The following ENTPD5 variants were observed in gnomAD, a reference collection of about 807,000 sequenced individuals.
ENTPD5 encodes nucleoside diphosphate phosphatase ENTPD5.
Under a neutral mutation model 60.2 loss-of-function variants are expected in ENTPD5, and 49 were observed. That is an observed-to-expected ratio of 0.81 (90% CI 0.65 to 1.03). The LOEUF (loss-of-function observed/expected upper bound fraction) is 1.03, where lower values mean the gene tolerates loss of function less well. ENTPD5 is among the 50% of genes least tolerant of loss of function. The pLI, the probability that ENTPD5 is intolerant of heterozygous loss-of-function variation, is 0.00. For synonymous variants in ENTPD5, 187 were observed against 185.4 expected, an observed-to-expected ratio of 1.01 and a Z score of -0.07; for missense variants, 480 against 507.6, an observed-to-expected ratio of 0.95 and a Z score of 0.52.
intron 3 of ENTPD5, among the ~76,000 whole-genome samples, chr14:74,002,951 T>C (rs1287077196): frequency 6.6e-6 from 1 of 152,220 alleles, no homozygotes; most frequent in East Asian, 1.9e-4. Flanking sequence ...GCTTATTCAC[T>C]CATGCCCCTG....
At position 73,986,562 on chromosome 14, in the gene ENTPD5, A is replaced by G. The variant is rs548468967; in HGVS notation, c.297+252T>C. ...ACTCAAAATTTTAAACAGTAAGTAC[A>G]TAGGGAGTAATCTCTTAAAAGCTAG... On this transcript the variant is annotated intron_variant, in intron 5 of 15. Coordinates refer to ENST00000334696, the MANE Select transcript of ENTPD5 (RefSeq NM_001249.5). The G allele has an allele frequency of 1.6e-4, 76 of 469,864 alleles. No homozygotes were observed. In the South Asian group the frequency reaches 2.0e-3, roughly 13 times the overall value. 29.1% of individuals were successfully genotyped at this position (469,864 alleles called of 1,614,324 possible). A position where few individuals can be genotyped will look rare whatever the true frequency, so the allele number is the denominator to read the frequency against.
At chr14:73,984,678 TTC>T (rs1016212457) in intron 5 of ENTPD5, among the ~76,000 whole-genome samples, 3 of 151,892 alleles carry the variant, frequency 2.0e-5, no homozygotes, top group Non-Finnish European at 4.4e-5. Context: ...CTCCTAATTT[TTC>T]TTTTTTAATT....
In ENTPD5 at chr14:73,966,908, C is replaced by A; in HGVS notation, c.*20G>T. 6.2e-7 allele frequency: 1 copy of A among 1,604,182 alleles called. No homozygotes were observed. Among genetic ancestry groups the A allele is most frequent in the South Asian group, 1.1e-5 (1 of 90,818 alleles). ...TAAAAAGGTGTTGGCAAATGCAGGT[C>A]TCCAAGGAAGTACGTGGCCTCAATG... On this transcript the variant is annotated 3_prime_UTR_variant, in exon 16 of 16. Transcript: ENST00000334696.
intron 14 of ENTPD5, among the ~76,000 whole-genome samples, chr14:73,971,330 G>T (rs2057216070): frequency 6.6e-6 from 1 of 151,844 alleles, no homozygotes; most frequent in African/African-American, 2.4e-5. Flanking sequence ...GCTAATTTTT[G>T]TATTTTTAGT....
intron 5 of ENTPD5, among the ~76,000 whole-genome samples, chr14:73,984,918 G>A (rs1566734270): frequency 6.6e-6 from 1 of 152,072 alleles, no homozygotes; most frequent in Non-Finnish European, 1.5e-5. Context: ...CCCACGACAG[G>A]CCCCGGTGTG....
At chr14:73,956,151 T>A, downstream of ENTPD5, 1 of 465,816 alleles carries the variant, frequency 2.1e-6, no homozygotes, top group Non-Finnish European at 4.0e-6. Context: ...GGTGAAACCC[T>A]GTCTCTACTA....
intron 3 of ENTPD5, among the ~76,000 whole-genome samples, chr14:73,989,721 T>A (rs2058056008): frequency 1.3e-5 from 2 of 150,154 alleles, no homozygotes; most frequent in Non-Finnish European, 2.9e-5. Flanking sequence ...TAATCCCAGC[T>A]ACTGGGGAGG....
intron 3 of ENTPD5, among the ~76,000 whole-genome samples, chr14:74,002,506 A>G (rs1305211831): frequency 1.3e-5 from 2 of 151,668 alleles, no homozygotes; most frequent in African/African-American, 4.9e-5. Flanking sequence ...GCCTCATGCA[A>G]TCCTCTAGCC....
chr14:73,997,301 G>A (rs1371427047), intron 3 of ENTPD5, among the ~76,000 whole-genome samples: 1 of 152,114 alleles, frequency 6.6e-6, no homozygotes, highest in South Asian at 2.1e-4. Flanking sequence ...TTCCCATAGT[G>A]AGATTGATTG....
At chr14:74,001,197 A>G (rs895654980) in intron 3 of ENTPD5, among the ~76,000 whole-genome samples, 3 of 151,982 alleles carry the variant, frequency 2.0e-5, no homozygotes, top group Non-Finnish European at 2.9e-5. Context: ...ATCTCTACAA[A>G]ATATTAAAAA....
intron 15 of ENTPD5, among the ~76,000 whole-genome samples, chr14:73,969,448 T>C (rs927730383): frequency 3.3e-5 from 5 of 152,058 alleles, no homozygotes; most frequent in Admixed American, 6.6e-5. Context: ...ATCCCAGCAC[T>C]TGGGAGTTCG....
At chr14:73,957,975 G>A (rs1374767513), downstream of ENTPD5, 2 of 649,356 alleles carry the variant, frequency 3.1e-6, no homozygotes, top group African/African-American at 3.6e-5. Context: ...AGTTATCTCT[G>A]TGGCTTCTGT....
chr14:74,000,451 C>A (rs1000030840), intron 3 of ENTPD5, among the ~76,000 whole-genome samples: 1 of 150,642 alleles, frequency 6.6e-6, no homozygotes, highest in African/African-American at 2.5e-5. Context: ...CAAGACTGAA[C>A]CCCGTCTCAA....
rs1315476768 is a variant in ENTPD5 at position 73,971,882 on chromosome 14, C to T, written c.1054G>A (p.Val352Ile). Reference sequence around the variant, plus strand: ...CTGGCTTTTCTTTCAAAATCTTCAACTTTTAAAATACCCCCCTTTTCATAA... The same window carrying T: ...CTGGCTTTTCTTTCAAAATCTTCAATTTTTAAAATACCCCCCTTTTCATAA... ...IDYEKGGILK[V>I]EDFERKAREV... Residue 352 changes from valine (V) to isoleucine (I), a missense_variant, in exon 14 of 16, where the codon GTT becomes ATT. Transcript: ENST00000334696. 6.2e-7 allele frequency: 1 copy of T among 1,605,620 alleles called. No homozygotes were observed. The highest frequency in any genetic ancestry group is 8.5e-7 in the Non-Finnish European group (1 of 1,172,288).
At chr14:73,998,959 T>A (rs62005070) in intron 3 of ENTPD5, among the ~76,000 whole-genome samples, 2 of 151,976 alleles carry the variant, frequency 1.3e-5, no homozygotes, top group Non-Finnish European at 2.9e-5. Context: ...ACTGAAGATA[T>A]TGAACTAGGG....
intron 5 of ENTPD5, 144 bp from the exon 6 acceptor site, chr14:73,983,305 C>A: frequency 1.2e-6 from 1 of 824,082 alleles, no homozygotes. Flanking sequence ...CAGGAGAAAC[C>A]TAGAGAAGTG....
chr14:73,992,309 G>T (rs944518395), intron 3 of ENTPD5, among the ~76,000 whole-genome samples: 1 of 152,118 alleles, frequency 6.6e-6, no homozygotes, highest in Admixed American at 6.5e-5. Flanking sequence ...ACAGATTAAG[G>T]ATTCTCAATC....
downstream of ENTPD5, chr14:73,958,236 A>G: frequency 1.2e-6 from 2 of 1,613,956 alleles, no homozygotes; most frequent in South Asian, 1.1e-5. Flanking sequence ...TTGGGTTCAT[A>G]TTACCCTAGG....
chr14:73,985,302 T>C (rs191414930), intron 5 of ENTPD5, among the ~76,000 whole-genome samples: 315 of 152,320 alleles, frequency 2.1e-3, no homozygotes, highest in African/African-American at 7.5e-3. Flanking sequence ...TCCTAGATCC[T>C]TGAGGAATCA....
Sources: allele counts gnomAD v4.1 joint callset (sites outside exome capture counted in the v4.1 genomes callset), GRCh38; gene constraint gnomAD v4.1.1; transcripts MANE v1.5; gene names NCBI Gene and HGNC (gene_info 2026-07-23, HGNC 2026-07-21).